Variants in SPATA16 observed in about 807,000 individuals in gnomAD.
The protein encoded by SPATA16 is spermatogenesis associated 16, also known as spermatogenesis-associated protein 16.
SPATA16 carries 36 observed loss-of-function variants against 63.3 expected under a neutral mutation model. The observed-to-expected ratio is 0.57, with a 90% CI of 0.44 to 0.75. The LOEUF is 0.75. Among genes scored for constraint, SPATA16 ranks in the 30% least tolerant of loss-of-function variants. The pLI is 0.00. For missense variants in SPATA16, 646 were observed against 679.3 expected (o/e 0.95, Z 0.54); for synonymous variants, 203 against 216.7 (o/e 0.94, Z 0.56).
intron 8 of SPATA16, among the ~76,000 whole-genome samples, chr3:172,919,902 AG>A: frequency 6.6e-6 from 1 of 152,274 alleles, no homozygotes; most frequent in African/African-American, 2.4e-5. Flanking sequence ...CATGTTGGTC[AG>A]GCTGGTCTCA....
chr3:173,133,092 G>C (rs772184407), intron 1 of SPATA16, among the ~76,000 whole-genome samples: 3 of 152,188 alleles, frequency 2.0e-5, no homozygotes, highest in Non-Finnish European at 4.4e-5. Flanking sequence ...ATCAGACAAA[G>C]TGGACTTTAT....
rs201000096 is a variant in SPATA16, at chr3:173,059,832, C to CTT, written c.613-10740_613-10739dup. On this transcript the variant is annotated intron_variant, in intron 2 of 10. Coordinates refer to ENST00000351008, the MANE Select transcript of SPATA16 (RefSeq NM_031955.6). ...TAAATGTCTCTATCCCATTTGGTAG[C>CTT]TTTTTTTTTTTTTTTTTTTTTTTTT... Among the ~76,000 whole-genome samples, 273 of 71,312 alleles carry CTT rather than the reference C, an allele frequency of 3.8e-3. 28 individuals carry two copies. The highest frequency in any genetic ancestry group is 0.013 in the African/African-American group (234 of 18,430). The allele number at this position is 71,312 out of a possible 152,430, so 46.8% of individuals were successfully genotyped here.
chr3:173,099,429 T>C (rs1349407559), intron 2 of SPATA16, among the ~76,000 whole-genome samples: 4 of 152,170 alleles, frequency 2.6e-5, no homozygotes, highest in Admixed American at 6.5e-5. Flanking sequence ...AAAAACATAG[T>C]ATATATAGAA....
chr3:172,978,806 A>G (rs953583981), intron 4 of SPATA16, among the ~76,000 whole-genome samples: 3 of 152,244 alleles, frequency 2.0e-5, no homozygotes, highest in African/African-American at 7.2e-5. Context: ...AGCTATAGAC[A>G]ATACATAAAC....
intron 6 of SPATA16, among the ~76,000 whole-genome samples, chr3:172,953,407 G>A (rs1733498459): frequency 6.6e-6 from 1 of 152,170 alleles, no homozygotes; most frequent in Admixed American, 6.6e-5. Flanking sequence ...TCTGTGGAAT[G>A]GAGGGGATTT....
chr3:172,909,733 G>T (rs1732320269), intron 10 of SPATA16, among the ~76,000 whole-genome samples: 1 of 152,176 alleles, frequency 6.6e-6, no homozygotes, highest in Non-Finnish European at 1.5e-5. Context: ...TCAACTCAAA[G>T]AACTAACTGT....
intron 6 of SPATA16, among the ~76,000 whole-genome samples, chr3:172,951,218 A>G (rs1733422956): frequency 6.6e-6 from 1 of 152,162 alleles, no homozygotes. Context: ...TTTTTTCTCC[A>G]TGAAATATAA....
At chr3:172,952,813 C>T (rs1298472560) in intron 6 of SPATA16, among the ~76,000 whole-genome samples, 1 of 151,512 alleles carries the variant, frequency 6.6e-6, no homozygotes, top group Non-Finnish European at 1.5e-5. Flanking sequence ...GGTGGCGTGC[C>T]CCTATAGTCC....
chr3:172,945,344 A>T (rs1308869774), intron 6 of SPATA16, among the ~76,000 whole-genome samples: 1 of 152,228 alleles, frequency 6.6e-6, no homozygotes, highest in Admixed American at 6.5e-5. Context: ...GCAGAGCAAG[A>T]TGTCCAAATA....
chr3:172,889,495 C>T lies in SPATA16; in HGVS notation c.*75G>A. 6.2e-7 allele frequency: 1 copy of T among 1,601,482 alleles called. No individual in the cohort carries two copies. Among genetic ancestry groups the T allele is most frequent in the Non-Finnish European group, 8.5e-7 (1 of 1,171,300 alleles). On this transcript the variant is annotated 3_prime_UTR_variant, in exon 11 of 11. Transcript: ENST00000351008. Reference sequence around the variant, plus strand: ...GCTTTTGTTATCCAGCTTCACAGTACTAGGTGGGCATTGGAGTGGATGCCC... The same window carrying T: ...GCTTTTGTTATCCAGCTTCACAGTATTAGGTGGGCATTGGAGTGGATGCCC...
In SPATA16 at chr3:173,037,495, T is replaced by C. The variant is rs149979312; in HGVS notation, c.758+11454A>G. Among the ~76,000 whole-genome samples, 10 of 152,226 alleles carry C rather than the reference T, an allele frequency of 6.6e-5. No individual in the cohort carries two copies. In the East Asian group the frequency reaches 1.9e-3, roughly 29 times the overall value. ...AATCAAACACTGCTTTGAATTCAAC[T>C]GTCTTCTGTGTCAAAGTCATATTTG... On this transcript the variant is annotated intron_variant, in intron 3 of 10. Coordinates refer to ENST00000351008, the MANE Select transcript of SPATA16 (RefSeq NM_031955.6).
At chr3:172,930,792 T>G (rs1732854235) in intron 6 of SPATA16, among the ~76,000 whole-genome samples, 1 of 151,972 alleles carries the variant, frequency 6.6e-6, no homozygotes, top group Non-Finnish European at 1.5e-5. Flanking sequence ...GACCTCGTGA[T>G]CCACCCGCCT....
chr3:173,124,488 C>T (rs1485820800), intron 1 of SPATA16, among the ~76,000 whole-genome samples: 1 of 152,190 alleles, frequency 6.6e-6, no homozygotes, highest in Non-Finnish European at 1.5e-5. Context: ...GATCCTATCC[C>T]TCCAGCCTCT....
intron 1 of SPATA16, among the ~76,000 whole-genome samples, chr3:173,122,161 C>T (rs749323699): frequency 1.3e-5 from 2 of 151,480 alleles, no homozygotes; most frequent in Non-Finnish European, 2.9e-5. Context: ...TGACAGGCAA[C>T]ATTGGAACAA....
chr3:173,115,111 G>C (rs1737859970), intron 2 of SPATA16, among the ~76,000 whole-genome samples: 1 of 152,136 alleles, frequency 6.6e-6, no homozygotes, highest in African/African-American at 2.4e-5. Flanking sequence ...CGGGGAAGGA[G>C]AGAGAGAGAA....
chr3:173,040,583 A>G (rs967125337), intron 3 of SPATA16, among the ~76,000 whole-genome samples: 1 of 152,202 alleles, frequency 6.6e-6, no homozygotes, highest in Admixed American at 6.6e-5. Flanking sequence ...CTATGAGTTC[A>G]AAGACAATGT....
chr3:172,925,250 G>T, intron 7 of SPATA16, 96 bp downstream of exon 7: 1 of 1,356,866 alleles, frequency 7.4e-7, no homozygotes, highest in Non-Finnish European at 1.0e-6. Flanking sequence ...CCACAAAGAA[G>T]ATTAGAAGGA....
At chr3:173,116,381 A>G (rs1441724227) in intron 2 of SPATA16, among the ~76,000 whole-genome samples, 1 of 152,180 alleles carries the variant, frequency 6.6e-6, no homozygotes, top group Non-Finnish European at 1.5e-5. Context: ...CTCATCAACA[A>G]AGCAAGGCCA....
rs145680390 is a variant in SPATA16 at position 173,065,561 on chromosome 3, A to G, written c.613-16467T>C. On this transcript the variant is annotated intron_variant, in intron 2 of 10. Coordinates refer to ENST00000351008, the MANE Select transcript of SPATA16 (RefSeq NM_031955.6). ...CCAAAAAAATATTAGGTGAGCAACC[A>G]CAAACACCTGGTTTGAACACAGTAT... Among the ~76,000 whole-genome samples the G allele has an allele frequency of 3.6e-3, 542 of 152,364 alleles. 5 individuals are homozygous for G. Among genetic ancestry groups the G allele is most frequent in the African/African-American group, 0.013 (528 of 41,588 alleles).
Sources: gnomAD v4.1 joint callset for allele counts (sites outside exome capture counted in the v4.1 genomes callset) on GRCh38, gnomAD v4.1.1 for gene constraint, MANE v1.5 for transcripts, NCBI Gene and HGNC (gene_info 2026-07-23, HGNC 2026-07-21) for gene names.